TCERG1L: variants seen among roughly 807,000 people sequenced by gnomAD.
The protein encoded by TCERG1L is transcription elongation regulator 1 like, also known as transcription elongation regulator 1-like protein.
A neutral mutation model predicts 56.3 loss-of-function variants in TCERG1L; 37 were observed. The observed-to-expected ratio is 0.66, with a 90% CI of 0.51 to 0.87. The LOEUF is 0.87. TCERG1L is among the 40% of genes least tolerant of loss of function. The probability of loss-of-function intolerance (pLI) is 0.00; values close to 1 mark genes in which losing one functional copy is unlikely to be tolerated. For synonymous variants in TCERG1L, 324 were observed against 326.3 expected, an observed-to-expected ratio of 0.99 and a Z score of 0.08; for missense variants, 799 against 774.2, an observed-to-expected ratio of 1.03 and a Z score of -0.38.
chr10:131,159,219 C>G (rs1845953041), intron 6 of TCERG1L, among the ~76,000 whole-genome samples: 1 of 152,220 alleles, frequency 6.6e-6, no homozygotes, highest in South Asian at 2.1e-4. Context: ...TGTGCCCTGA[C>G]AGCCATGTGC....
At chr10:131,106,819 A>G (rs901698076) in intron 9 of TCERG1L, among the ~76,000 whole-genome samples, 1 of 152,206 alleles carries the variant, frequency 6.6e-6, no homozygotes, top group Non-Finnish European at 1.5e-5. Context: ...CACATGCTTT[A>G]TTTGTATATT....
At chr10:131,272,177 G>A (rs1032341212) in intron 3 of TCERG1L, among the ~76,000 whole-genome samples, 3 of 151,992 alleles carry the variant, frequency 2.0e-5, no homozygotes, top group African/African-American at 7.2e-5. Context: ...CGTGTCTTGC[G>A]CCTCCACACA....
chr10:131,271,754 G>A (rs904911648), intron 3 of TCERG1L, among the ~76,000 whole-genome samples: 2 of 152,214 alleles, frequency 1.3e-5, no homozygotes, highest in African/African-American at 4.8e-5. Context: ...GAGGGCAGAG[G>A]GTTTTAGGCA....
chr10:131,309,848 A>AAAAAAAG (rs1846862913), intron 1 of TCERG1L, among the ~76,000 whole-genome samples: 1 of 149,672 alleles, frequency 6.7e-6, no homozygotes, highest in Non-Finnish European at 1.5e-5. Flanking sequence ...AAAAAAAAAA[A>AAAAAAAG]AAAAAAAAAA....
intron 3 of TCERG1L, among the ~76,000 whole-genome samples, chr10:131,287,483 C>T (rs1476553503): frequency 1.3e-5 from 2 of 152,164 alleles, no homozygotes; most frequent in Non-Finnish European, 2.9e-5. Context: ...ATTTCATTAC[C>T]TATGCAGTCT....
intron 3 of TCERG1L, among the ~76,000 whole-genome samples, chr10:131,293,297 A>G (rs901518794): frequency 5.9e-5 from 9 of 152,130 alleles, no homozygotes; most frequent in Admixed American, 5.9e-4. Flanking sequence ...TAACATCATC[A>G]TTGTTCCAGG....
Position 131,230,899 on chromosome 10 carries a change from C to T in TCERG1L, c.856+29360G>A, listed in dbSNP as rs78667514. 9.6e-3 allele frequency among the ~76,000 whole-genome samples: 1,453 copies of T among 152,112 alleles called. 28 individuals carry two copies. The highest frequency in any genetic ancestry group is 0.033 in the African/African-American group (1,385 of 41,352). The stretch of plus-strand genomic sequence containing the variant: ...ACAGTGTGCCCCTTGCAGGCCAGCA[C>T]AAAGGGGCCTCTGCAGGGTGCCGTG... On this transcript the variant is annotated intron_variant, in intron 4 of 11. Transcript: ENST00000368642.
chr10:131,115,087 G>A (rs1845443507), intron 9 of TCERG1L, among the ~76,000 whole-genome samples: 4 of 152,252 alleles, frequency 2.6e-5, no homozygotes, highest in Admixed American at 2.6e-4. Context: ...CTCCCAGGCA[G>A]GGCTCTCCTA....
intron 11 of TCERG1L, among the ~76,000 whole-genome samples, chr10:131,097,653 C>T (rs1357141294): frequency 6.6e-6 from 1 of 152,210 alleles, no homozygotes; most frequent in East Asian, 1.9e-4. Flanking sequence ...GGCCCATGTT[C>T]ATTACTTTTT....
At chr10:131,247,575 T>C (rs1846053114) in intron 4 of TCERG1L, among the ~76,000 whole-genome samples, 1 of 150,194 alleles carries the variant, frequency 6.7e-6, no homozygotes, top group African/African-American at 2.4e-5. Context: ...AGTTATCAGA[T>C]GGTGAGAAGG....
chr10:131,208,482 G>A (rs557659830), intron 4 of TCERG1L, among the ~76,000 whole-genome samples: 104 of 152,276 alleles, frequency 6.8e-4, no homozygotes, highest in Non-Finnish European at 1.2e-3. Flanking sequence ...CTGCTTCCAC[G>A]TCCTCAGCAT....
At chr10:131,119,682 A>G (rs1179854709) in intron 8 of TCERG1L, among the ~76,000 whole-genome samples, 7 of 152,228 alleles carry the variant, frequency 4.6e-5, no homozygotes, top group Non-Finnish European at 2.9e-5. Flanking sequence ...CAAACTAGCT[A>G]AATATATTTT....
chr10:131,160,376 T>C (rs2918148), intron 6 of TCERG1L, among the ~76,000 whole-genome samples: 34,432 of 151,832 alleles, frequency 0.23, 5,169 homozygotes, highest in African/African-American at 0.44. Flanking sequence ...GCCCAAGCCC[T>C]CACCCACCTC....
intron 8 of TCERG1L, among the ~76,000 whole-genome samples, chr10:131,133,021 T>C (rs550508260): frequency 7.9e-5 from 12 of 152,358 alleles, no homozygotes; most frequent in South Asian, 6.2e-4. Flanking sequence ...GACACTGTTA[T>C]TCTTCTTTGC....
chr10:131,131,717 G>T (rs889143544), intron 8 of TCERG1L, among the ~76,000 whole-genome samples: 1 of 152,238 alleles, frequency 6.6e-6, no homozygotes, highest in African/African-American at 2.4e-5. Flanking sequence ...GTGGGGAGTA[G>T]ATGCCGGTGT....
In TCERG1L at chr10:131,309,262, G is replaced by A. The variant is rs1272179842; in HGVS notation, c.380C>T (p.Pro127Leu). 1.2e-6 allele frequency: 2 copies of A among 1,603,208 alleles called. No homozygotes were observed. Among genetic ancestry groups the A allele is most frequent in the Non-Finnish European group, 1.7e-6 (2 of 1,176,290 alleles). The stretch of plus-strand genomic sequence containing the variant: ...CACCAGCTCCACTGTGGAAGAGGGG[G>A]GCAGTCCTAGGGACGGAGAATGGCC... ...FGGHSPSLGL[P>L]PSSTVELVPV... The change falls in exon 2 of 12, where the codon CCC (proline) becomes CTC (leucine). Residue 127 changes from proline to leucine, a missense_variant. Physicochemically the swap from Pro to Leu is moderately conservative, Grantham distance 98 (BLOSUM62 -3). Transcript: ENST00000368642.
chr10:131,222,187 C>A (rs1175946900), intron 4 of TCERG1L, among the ~76,000 whole-genome samples: 2 of 152,170 alleles, frequency 1.3e-5, no homozygotes, highest in South Asian at 2.1e-4. Flanking sequence ...CCGCGGCATG[C>A]GAGTTTAGCA....
chr10:131,311,475 G>C lies in TCERG1L; in HGVS notation c.161C>G (p.Ala54Gly). The change falls in exon 1 of 12, where the codon GCG (alanine) becomes GGG (glycine). Residue 54 changes from alanine (A) to glycine (G), a missense_variant. Ala to Gly is a moderately conservative substitution (Grantham distance 60). Transcript: ENST00000368642. This position sits in a 1 kb window ranked among gnomAD's most constrained non-coding sequence, Gnocchi z 4.0. The stretch of plus-strand genomic sequence containing the variant: ...CAGCACCGGGGGAACCACGACCCCC[G>C]CGCTGAGCCGGAGCAGCCCGGCCGA... ...PGSAGLLRLS[A>G]GVVVPPVLLA... is the part of the protein sequence containing the mutation. The C allele has an allele frequency of 8.4e-7, 1 of 1,188,838 alleles. No homozygotes were observed. Among genetic ancestry groups the C allele is most frequent in the Non-Finnish European group, 1.0e-6 (1 of 961,694 alleles). The allele number at this position is 1,188,838 out of a possible 1,614,324, so 73.6% of individuals were successfully genotyped here.
chr10:131,214,410 G>A (rs11017822), intron 4 of TCERG1L, among the ~76,000 whole-genome samples: 9,947 of 152,244 alleles, frequency 0.065, 455 homozygotes, highest in East Asian at 0.18. Context: ...TCTCTAATAC[G>A]TCTTTAACTC....
Sources: gnomAD v4.1 joint callset for allele counts (sites outside exome capture counted in the v4.1 genomes callset) on GRCh38, gnomAD v4.1.1 for gene constraint, Gnocchi (gnomAD v3.1) non-coding constraint, MANE v1.5 for transcripts, NCBI Gene and HGNC (gene_info 2026-07-23, HGNC 2026-07-21) for gene names.